HPSE2: variants seen among roughly 807,000 people sequenced by gnomAD.
The protein encoded by HPSE2 is inactive heparanase-2.
A neutral mutation model predicts 60.5 loss-of-function variants in HPSE2; 38 were observed. The observed-to-expected ratio is 0.63, with a 90% confidence interval of 0.48 to 0.82. The LOEUF (loss-of-function observed/expected upper bound fraction) is 0.82, where lower values mean the gene tolerates loss of function less well. HPSE2 is among the 40% of genes least tolerant of loss of function. The probability of loss-of-function intolerance (pLI) is 0.00; values close to 1 mark genes in which losing one functional copy is unlikely to be tolerated. For missense variants in HPSE2, 713 were observed against 740.4 expected (o/e 0.96, Z 0.43); for synonymous variants, 295 against 293.2 (o/e 1.01, Z -0.06).
intron 3 of HPSE2, among the ~76,000 whole-genome samples, chr10:99,099,766 C>T (rs1020407640): frequency 6.6e-6 from 1 of 152,170 alleles, no homozygotes. Flanking sequence ...TGACACCTCA[C>T]ACGGCTGGGT....
intron 11 of HPSE2, among the ~76,000 whole-genome samples, chr10:98,463,297 C>T (rs1048649848): frequency 3.3e-5 from 5 of 152,200 alleles, no homozygotes; most frequent in African/African-American, 7.2e-5. Flanking sequence ...TCTCAGATCC[C>T]GCCAGTCCCC....
chr10:98,546,391 T>C (rs1033187027), intron 9 of HPSE2, among the ~76,000 whole-genome samples: 8 of 146,288 alleles, frequency 5.5e-5, no homozygotes, highest in African/African-American at 2.0e-4. Context: ...TCATGCTACC[T>C]GACTTCAAAC....
chr10:98,928,947 C>T (rs1404354816), intron 3 of HPSE2, among the ~76,000 whole-genome samples: 1 of 140,120 alleles, frequency 7.1e-6, no homozygotes, highest in Non-Finnish European at 1.5e-5. Context: ...ATGTAACTAA[C>T]CTGCACATTG....
chr10:98,820,464 C>T (rs1951399249), intron 3 of HPSE2, among the ~76,000 whole-genome samples: 1 of 152,106 alleles, frequency 6.6e-6, no homozygotes, highest in South Asian at 2.1e-4. Context: ...TAGGGGCTGG[C>T]AGGTTCTGTC....
intron 9 of HPSE2, among the ~76,000 whole-genome samples, chr10:98,531,487 C>A (rs538011357): frequency 1.3e-5 from 2 of 152,286 alleles, no homozygotes; most frequent in Admixed American, 1.3e-4. Flanking sequence ...CTGCTGGGAT[C>A]TACTGTACTC....
At chr10:98,669,746 G>A (rs1947457728) in intron 6 of HPSE2, among the ~76,000 whole-genome samples, 1 of 152,180 alleles carries the variant, frequency 6.6e-6, no homozygotes, top group African/African-American at 2.4e-5. Context: ...AGGGAATGAA[G>A]GGGGTGTGGG....
At chr10:99,091,375 T>C (rs1303616242) in intron 3 of HPSE2, among the ~76,000 whole-genome samples, 1 of 152,152 alleles carries the variant, frequency 6.6e-6, no homozygotes, top group Non-Finnish European at 1.5e-5. Context: ...ATGTTATTTG[T>C]TCAAAGCCAC....
chr10:99,235,472 A>AAT (rs1849807567), intron 1 of HPSE2, 41 bp downstream of exon 1: 2 of 1,594,354 alleles, frequency 1.3e-6, no homozygotes, highest in Non-Finnish European at 1.7e-6. Context: ...AGGGGGTGTT[A>AAT]CTAAAAAATT....
At position 98,697,569 on chromosome 10, in the gene HPSE2, G is replaced by A. The variant is rs1380156948; in HGVS notation, c.957-3622C>T. Among the ~76,000 whole-genome samples, 3 of 152,242 alleles carry A rather than the reference G, an allele frequency of 2.0e-5. No homozygotes were observed. In the East Asian group the frequency reaches 5.8e-4, roughly 29 times the overall value. ...AAAGAGACGGGGAAAATGAAACCAA[G>A]TTGGAAAACACACTTCAGGATATTA... On this transcript the variant is annotated intron_variant, in intron 5 of 11. Transcript: ENST00000370552.
At chr10:98,660,824 CCT>C (rs1242309609) in intron 6 of HPSE2, among the ~76,000 whole-genome samples, 2 of 152,180 alleles carry the variant, frequency 1.3e-5, no homozygotes, top group African/African-American at 4.8e-5. Flanking sequence ...ACAATGAATC[CCT>C]GTCTTTCATC....
intron 6 of HPSE2, among the ~76,000 whole-genome samples, chr10:98,670,424 G>T (rs1162929759): frequency 6.6e-6 from 1 of 152,132 alleles, no homozygotes; most frequent in East Asian, 1.9e-4. Context: ...AAGTGTTTCA[G>T]GTTTGGGATT....
chr10:98,582,128 T>C (rs182870274), intron 9 of HPSE2, among the ~76,000 whole-genome samples: 1 of 152,318 alleles, frequency 6.6e-6, no homozygotes, highest in East Asian at 1.9e-4. Context: ...ATCGTGATCT[T>C]AAAGATGAAA....
chr10:98,714,245 G>C (rs1302675885), intron 5 of HPSE2, among the ~76,000 whole-genome samples: 11 of 151,806 alleles, frequency 7.2e-5, no homozygotes, highest in Admixed American at 6.6e-4. Flanking sequence ...TTCACTCAGA[G>C]AAGTGTTCAA....
At chr10:99,119,976 C>A (rs1045800221) in intron 3 of HPSE2, among the ~76,000 whole-genome samples, 2 of 152,104 alleles carry the variant, frequency 1.3e-5, no homozygotes, top group Non-Finnish European at 2.9e-5. Context: ...ATGTAAAACA[C>A]AAAACTTAAA....
chr10:99,238,681 A>G (rs1334435542), upstream of HPSE2, among the ~76,000 whole-genome samples: 1 of 152,236 alleles, frequency 6.6e-6, no homozygotes, highest in Non-Finnish European at 1.5e-5. Context: ...TGCCACACAT[A>G]TACCATATCA....
chr10:98,967,948 A>G (rs1312635820), intron 3 of HPSE2, among the ~76,000 whole-genome samples: 3 of 152,166 alleles, frequency 2.0e-5, no homozygotes, highest in Non-Finnish European at 4.4e-5. Flanking sequence ...AAAGTCTGTT[A>G]TACATATGAC....
chr10:99,166,385 T>G (rs1403320790), intron 2 of HPSE2, among the ~76,000 whole-genome samples: 2 of 152,142 alleles, frequency 1.3e-5, no homozygotes, highest in Non-Finnish European at 2.9e-5. Flanking sequence ...ACTGTCAAAC[T>G]TTTTTCCAGA....
chr10:98,974,949 T>C (rs558150941), intron 3 of HPSE2, among the ~76,000 whole-genome samples: 2 of 152,348 alleles, frequency 1.3e-5, no homozygotes, highest in East Asian at 3.9e-4. Flanking sequence ...ATTATTTTGA[T>C]CTTCAACATA....
chr10:99,276,650 AGCT>A, the HPSE2 span, among the ~76,000 whole-genome samples: 1 of 152,142 alleles, frequency 6.6e-6, no homozygotes, highest in Non-Finnish European at 1.5e-5. Flanking sequence ...AAATAGGATA[AGCT>A]GCTATTAGTA....
Sources: gnomAD v4.1 joint callset for allele counts (sites outside exome capture counted in the v4.1 genomes callset) on GRCh38, gnomAD v4.1.1 for gene constraint, MANE v1.5 for transcripts, NCBI Gene and HGNC (gene_info 2026-07-23, HGNC 2026-07-21) for gene names.